SYTL4: variants seen among roughly 807,000 people sequenced by gnomAD.
SYTL4 encodes the protein synaptotagmin-like protein 4.
Under a neutral mutation model 52.7 loss-of-function variants are expected in SYTL4, and 16 were observed. The observed-to-expected ratio is 0.30, with a 90% CI of 0.21 to 0.46. The LOEUF is 0.46. SYTL4 is among the 20% of genes least tolerant of loss of function. The pLI is 1.00. For missense variants in SYTL4, 423 were observed against 519.9 expected (o/e 0.81, Z 1.81); for synonymous variants, 160 against 186.6 (o/e 0.86, Z 1.16).
chrX:100,676,652 T>C (rs2083283314), intron 19 of SYTL4, among the ~76,000 whole-genome samples: 1 of 110,383 alleles, frequency 9.1e-6, no homozygotes, highest in Non-Finnish European at 1.9e-5. Context: ...GCCCAGCTAA[T>C]TTTTTTGTAT....
At position 100,689,908 on chromosome X, in the gene SYTL4, C is replaced by G. The variant is rs1173574563; in HGVS notation, c.860G>C (p.Ser287Thr). ...DLRPEDVVHE[S>T]GSLGDRSKSV... ...TTTGCTTCTGTCTCCCAAGGAGCCA[C>G]TTTCATGTACCACATCTTCTGGGCG... The change falls in exon 12 of 20, where the codon AGT becomes ACT. Residue 287 changes from serine (S) to threonine (T), a missense_variant. Ser to Thr is a moderately conservative substitution (Grantham distance 58, BLOSUM62 1). Transcript: ENST00000372989. 1 of 1,210,801 alleles carries G rather than the reference C, an allele frequency of 8.3e-7. No homozygotes were observed. Among genetic ancestry groups the G allele is most frequent in the Admixed American group, 2.2e-5 (1 of 45,991 alleles).
rs1202985842 is a variant in SYTL4 at position 100,676,105 on chromosome X, G to A, written c.1939C>T (p.Arg647Ter). 5.8e-6 allele frequency: 7 copies of A among 1,210,491 alleles called. No homozygotes were observed. The highest frequency in any genetic ancestry group is 3.0e-5 in the East Asian group (1 of 33,809). The change falls in exon 20 of 20, where the codon CGA (arginine) becomes TGA (stop). Residue 647 changes from arginine to a stop codon, truncating the protein, a stop_gained. Transcript: ENST00000372989. LOFTEE classifies it high-confidence loss of function. ...TCTGCCCAAGACCCTGGGTACTGTC[G>A]CATCTTCTGCCACAGGCTCACTTCT... ...GEEVSLWQKM[R>*]QYPGSWAEGT... is the part of the protein sequence containing the mutation.
chrX:100,730,173 C>T (rs570908634), intron 2 of SYTL4, among the ~76,000 whole-genome samples: 6 of 111,122 alleles, frequency 5.4e-5, no homozygotes, highest in African/African-American at 2.0e-4. Context: ...AGCTGAAAAC[C>T]CGGGAGATTT....
At position 100,678,460 on chromosome X, in the gene SYTL4, T is replaced by G; in HGVS notation, c.1798A>C (p.Thr600Pro). 8.3e-7 allele frequency: 1 copy of G among 1,211,263 alleles called. No individual in the cohort carries two copies. Among genetic ancestry groups the G allele is most frequent in the Non-Finnish European group, 1.1e-6 (1 of 895,209 alleles). Reference sequence around the variant, plus strand: ...GCCAGGGGCTCCCGGTCCCACACAGTCAGTTCCAGGCACATATGCTGTAGA... The same window carrying G: ...GCCAGGGGCTCCCGGTCCCACACAGGCAGTTCCAGGCACATATGCTGTAGA... The part of the protein sequence containing the change: ...EDLQHMCLEL[T>P]VWDREPLASN... The change falls in exon 19 of 20, where the codon ACT becomes CCT. Residue 600 changes from threonine to proline, a missense_variant. By Grantham distance (38) the Thr-to-Pro change is conservative. Coordinates refer to ENST00000372989, the MANE Select transcript of SYTL4 (RefSeq NM_001370165.1).
intron 2 of SYTL4, among the ~76,000 whole-genome samples, chrX:100,719,244 T>C (rs768348272): frequency 1.1e-4 from 12 of 111,777 alleles, no homozygotes; most frequent in Non-Finnish European, 2.1e-4. Flanking sequence ...TACTAAATTA[T>C]TATGTCCACT....
intron 8 of SYTL4, among the ~76,000 whole-genome samples, chrX:100,692,541 G>A (rs2083618721): frequency 9.0e-6 from 1 of 111,541 alleles, no homozygotes; most frequent in African/African-American, 3.3e-5. Flanking sequence ...TAGCTTAATC[G>A]CCTTAATGAA....
rs1256039901 is a variant in SYTL4 at position 100,731,496 on chromosome X, C to A, written c.-318G>T. 1 of 112,580 alleles carries A rather than the reference C, an allele frequency of 8.9e-6. No individual in the cohort carries two copies. The highest frequency in any genetic ancestry group is 1.9e-5 in the Non-Finnish European group (1 of 53,299). 9.3% of individuals were successfully genotyped at this position (112,580 alleles called of 1,213,427 possible). A position where few individuals can be genotyped will look rare whatever the true frequency, so the allele number is the denominator to read the frequency against. On this transcript the variant is annotated 5_prime_UTR_variant, in exon 2 of 20. Transcript: ENST00000372989. ...AGTGCGGGTTAGCGACCCCGCTCGA[C>A]GGCCGAGCGCTGTGAGAGGAACCCA...
intron 19 of SYTL4, among the ~76,000 whole-genome samples, chrX:100,678,060 C>T (rs1172239281): frequency 9.0e-6 from 1 of 111,112 alleles, no homozygotes; most frequent in East Asian, 2.8e-4. Flanking sequence ...CTTTTGCTAG[C>T]AATGACCCTT....
At chrX:100,678,860 G>A (rs1211066542) in intron 18 of SYTL4, 5 of 339,587 alleles carry the variant, frequency 1.5e-5, no homozygotes, top group Non-Finnish European at 2.5e-5. Context: ...CTGAAAATGG[G>A]TTTTAAATAT....
intron 2 of SYTL4, among the ~76,000 whole-genome samples, chrX:100,721,962 C>T (rs765774296): frequency 2.3e-3 from 254 of 109,689 alleles, no homozygotes; most frequent in Middle Eastern, 0.014. Context: ...CCACCATGCC[C>T]GGCTAATTTT....
chrX:100,680,463 T>C (rs762061083), intron 17 of SYTL4, among the ~76,000 whole-genome samples: 4 of 110,693 alleles, frequency 3.6e-5, no homozygotes, highest in Non-Finnish European at 5.7e-5. Context: ...TCTTTATCAT[T>C]AAGTTCAAGG....
At chrX:100,692,639 G>C (rs2083621220) in intron 8 of SYTL4, among the ~76,000 whole-genome samples, 1 of 111,262 alleles carries the variant, frequency 9.0e-6, no homozygotes, top group East Asian at 2.8e-4. Flanking sequence ...GAATTAGTGA[G>C]AGCAGCAGGA....
At chrX:100,723,313 G>A (rs1011874318) in intron 2 of SYTL4, among the ~76,000 whole-genome samples, 2 of 111,997 alleles carry the variant, frequency 1.8e-5, no homozygotes, top group Admixed American at 9.4e-5. Context: ...GTGGAGATGG[G>A]ATTTCGCTGT....
intron 8 of SYTL4, among the ~76,000 whole-genome samples, chrX:100,700,424 A>G (rs1172485978): frequency 8.9e-6 from 1 of 111,999 alleles, no homozygotes; most frequent in African/African-American, 3.2e-5. Context: ...AAATTCAAGT[A>G]AAATTAAATA....
intron 8 of SYTL4, among the ~76,000 whole-genome samples, chrX:100,698,998 G>A (rs904370240): frequency 1.1e-4 from 12 of 111,780 alleles, no homozygotes; most frequent in Admixed American, 4.7e-4. Flanking sequence ...ACAGCAAAGC[G>A]CCCACTGATA....
chrX:100,684,076 A>G (rs2083431615), intron 16 of SYTL4, among the ~76,000 whole-genome samples: 1 of 111,666 alleles, frequency 9.0e-6, no homozygotes, highest in African/African-American at 3.3e-5. Context: ...CTTTTTATTG[A>G]CATATAATAT....
intron 8 of SYTL4, among the ~76,000 whole-genome samples, chrX:100,698,158 AG>A (rs2083744532): frequency 9.0e-6 from 1 of 110,736 alleles, no homozygotes; most frequent in South Asian, 4.1e-4. Context: ...GCTGGAGTGC[AG>A]TGGAGCAATC....
At chrX:100,684,173 A>G (rs184105506) in intron 16 of SYTL4, among the ~76,000 whole-genome samples, 23 of 112,105 alleles carry the variant, frequency 2.1e-4, no homozygotes, top group Non-Finnish European at 3.2e-4. Context: ...AAACATTTCA[A>G]ATCTTCTAGC....
At chrX:100,686,890 G>T in intron 14 of SYTL4, 109 bp from the exon 15 acceptor site, 1 of 826,439 alleles carries the variant, frequency 1.2e-6, no homozygotes, top group Non-Finnish European at 1.7e-6. Context: ...TGTCAAAAAT[G>T]TCACCTCAAG....
Sources: allele counts gnomAD v4.1 joint callset (sites outside exome capture counted in the v4.1 genomes callset), GRCh38; gene constraint gnomAD v4.1.1; transcripts MANE v1.5; gene names NCBI Gene and HGNC (gene_info 2026-07-23, HGNC 2026-07-21).